The following DHTKD1 variants were observed in gnomAD, a reference collection of about 807,000 sequenced individuals.
The protein encoded by DHTKD1 is 2-oxoadipate dehydrogenase complex component E1.
Under a neutral mutation model 101.8 loss-of-function variants are expected in DHTKD1, and 78 were observed. That is an observed-to-expected ratio of 0.77 (90% CI 0.64 to 0.93). DHTKD1 has a LOEUF of 0.93. Among genes scored for constraint, DHTKD1 ranks in the 40% least tolerant of loss-of-function variants. DHTKD1 has a pLI of 0.00. For missense variants in DHTKD1, 1,223 were observed against 1,161.7 expected (o/e 1.05, Z -0.77); for synonymous variants, 462 against 450.3 (o/e 1.03, Z -0.33).
chr10:12,093,692 A>G (rs1241167758), intron 6 of DHTKD1, among the ~76,000 whole-genome samples: 1 of 152,226 alleles, frequency 6.6e-6, no homozygotes, highest in Admixed American at 6.5e-5. Flanking sequence ...TACATCCTTT[A>G]ATGACCCTTT....
chr10:12,089,972 A>T (rs1034235018), intron 5 of DHTKD1, among the ~76,000 whole-genome samples: 9 of 149,132 alleles, frequency 6.0e-5, no homozygotes, highest in African/African-American at 2.0e-4. Context: ...TACCTAGCCT[A>T]TTTTTTTTTT....
chr10:12,084,120 A>G (rs558465727), intron 2 of DHTKD1, among the ~76,000 whole-genome samples: 1 of 152,050 alleles, frequency 6.6e-6, no homozygotes, highest in East Asian at 1.9e-4. Context: ...ACGGAGTTTT[A>G]CCATATTGGT....
rs1328232428 is a variant in DHTKD1 at position 12,121,908 on chromosome 10, G to A, written c.*1020G>A. The A allele has an allele frequency of 6.6e-6, 1 of 152,150 alleles. No individual in the cohort carries two copies. Among genetic ancestry groups the A allele is most frequent in the Admixed American group, 6.6e-5 (1 of 15,258 alleles). The allele number at this position is 152,150 out of a possible 1,614,324, so 9.4% of individuals were successfully genotyped here. On this transcript the variant is annotated 3_prime_UTR_variant, in exon 17 of 17. Transcript: ENST00000263035. ...TCTGAGTTTACAGCTCCGTGGAGAT[G>A]ACCTCAACACTGCCTCTTGATTTGT...
intron 15 of DHTKD1, among the ~76,000 whole-genome samples, chr10:12,119,724 G>T (rs1222907821): frequency 6.6e-6 from 1 of 152,020 alleles, no homozygotes; most frequent in Non-Finnish European, 1.5e-5. Context: ...TGGATGCTGG[G>T]TTAATACCTA....
At chr10:12,069,320 A>T in intron 1 of DHTKD1, 133 bp downstream of exon 1, 3 of 689,114 alleles carry the variant, frequency 4.4e-6, no homozygotes, top group African/African-American at 3.8e-5. Context: ...GAGGAGGGGG[A>T]GGTGAGGGGA....
At position 12,113,039 on chromosome 10, in the gene DHTKD1, C is replaced by G. The variant is rs766274249; in HGVS notation, c.2294C>G (p.Ser765Cys). ...TTCAGAAAACCACTCATTGTTGCTT[C>G]CCCTAAGATGTTACTCAGGCTCCCG... ...RNFRKPLIVASPKMLLRLPAA... is the reference protein window; with the variant it reads ...RNFRKPLIVACPKMLLRLPAA... The change falls in exon 13 of 17, where the codon TCC (serine) becomes TGC (cysteine). Residue 765 changes from serine (S) to cysteine (C), a missense_variant. Ser to Cys is a moderately radical substitution (Grantham distance 112). Transcript: ENST00000263035. 5 of 1,612,520 alleles carry G rather than the reference C, an allele frequency of 3.1e-6. No homozygotes were observed. In the South Asian group the frequency reaches 5.5e-5, roughly 18 times the overall value.
At position 12,122,160 on chromosome 10, in the gene DHTKD1, G is replaced by T. The variant is rs1833538143; in HGVS notation, c.*1272G>T. On this transcript the variant is annotated 3_prime_UTR_variant, in exon 17 of 17. Transcript: ENST00000263035. ...GTTTTAGTTATAATGAAATTGATTT[G>T]TAGTCTGTTTTGCCGTAAACTTGTT... 1 of 152,150 alleles carries T rather than the reference G, an allele frequency of 6.6e-6. No homozygotes were observed. The highest frequency in any genetic ancestry group is 1.5e-5 in the Non-Finnish European group (1 of 68,022). The allele number at this position is 152,150 out of a possible 1,614,324, so 9.4% of individuals were successfully genotyped here. A position where few individuals can be genotyped will look rare whatever the true frequency, so the allele number is the denominator to read the frequency against.
At chr10:12,100,287 G>GTTTTT (rs57815181) in intron 9 of DHTKD1, 25 bp downstream of exon 9, 3,924 of 271,542 alleles carry the variant, frequency 0.014, 613 homozygotes, top group East Asian at 0.037. Context: ...TTTTTTTTCT[G>GTTTTT]TTTTTTTTTT....
intron 1 of DHTKD1, among the ~76,000 whole-genome samples, chr10:12,074,880 C>T (rs1184860947): frequency 1.3e-5 from 2 of 152,046 alleles, no homozygotes; most frequent in African/African-American, 2.4e-5. Context: ...TGAAAACGTC[C>T]CCTTAGAGGC....
At chr10:12,072,931 T>C (rs1355048534) in intron 1 of DHTKD1, among the ~76,000 whole-genome samples, 1 of 151,934 alleles carries the variant, frequency 6.6e-6, no homozygotes, top group African/African-American at 2.4e-5. Context: ...AGACAGGGTT[T>C]CTCTGTGTTG....
At position 12,097,773 on chromosome 10, in the gene DHTKD1, C is replaced by T. The variant is rs756009651; in HGVS notation, c.1448C>T (p.Ser483Phe). Residue 483 changes from serine to phenylalanine, a missense_variant, in exon 8 of 17, where the codon TCC becomes TTC. Ser to Phe is a radical substitution (Grantham distance 155). Transcript: ENST00000263035. ...TQEEVSEIKS[S>F]YYAKLNDHLN... ...GAGGAGGTGTCTGAAATAAAATCCT[C>T]CTACTATGCCAAGTTGAATGATCAC... The T allele has an allele frequency of 1.2e-6, 2 of 1,614,200 alleles. No individual in the cohort carries two copies. Among genetic ancestry groups the T allele is most frequent in the South Asian group, 2.2e-5 (2 of 91,084 alleles).
At chr10:12,104,417 G>A (rs771620540) in intron 10 of DHTKD1, among the ~76,000 whole-genome samples, 1 of 152,014 alleles carries the variant, frequency 6.6e-6, no homozygotes, top group Non-Finnish European at 1.5e-5. Flanking sequence ...GACCTCAAGT[G>A]ATCATCTCAG....
chr10:12,107,246 A>C lies in DHTKD1; in HGVS notation c.2048-663A>C, dbSNP rs1216102654. Reference sequence around the variant, plus strand: ...CATGATCCACCCACCTCAGCCTCCCAAAGTGGTGGGATTACGGGTGTGAGC... The same window carrying C: ...CATGATCCACCCACCTCAGCCTCCCCAAGTGGTGGGATTACGGGTGTGAGC... On this transcript the variant is annotated intron_variant, in intron 11 of 16. Transcript: ENST00000263035. The surrounding 1 kb of genome is among the most constrained non-coding windows in gnomAD (Gnocchi z 4.1). Among the ~76,000 whole-genome samples, 4 of 151,298 alleles carry C rather than the reference A, an allele frequency of 2.6e-5. No individual in the cohort carries two copies. Among genetic ancestry groups the C allele is most frequent in the African/African-American group, 9.7e-5 (4 of 41,102 alleles).
At chr10:12,102,696 G>A (rs1170033029) in intron 10 of DHTKD1, among the ~76,000 whole-genome samples, 3 of 152,188 alleles carry the variant, frequency 2.0e-5, no homozygotes, top group South Asian at 4.1e-4. Context: ...GGATACTGTT[G>A]AAGATTTAAT....
At chr10:12,112,092 A>T (rs1462264835) in intron 12 of DHTKD1, among the ~76,000 whole-genome samples, 1 of 152,020 alleles carries the variant, frequency 6.6e-6, no homozygotes, top group East Asian at 1.9e-4. Flanking sequence ...AGGCGGGAGG[A>T]TCGCTTGAAC....
chr10:12,118,634 G>A (rs560336955), intron 14 of DHTKD1, 115 bp from the exon 15 acceptor site: 56 of 656,402 alleles, frequency 8.5e-5, no homozygotes, highest in Admixed American at 1.9e-4. Context: ...CGCCCGCCTT[G>A]GCCTCCCAAA....
At chr10:12,086,024 C>T (rs1168512079) in intron 3 of DHTKD1, among the ~76,000 whole-genome samples, 3 of 151,490 alleles carry the variant, frequency 2.0e-5, no homozygotes, top group Non-Finnish European at 4.4e-5. Flanking sequence ...CACGTGCCAC[C>T]ACACCCAGCT....
rs111438641 is a variant in DHTKD1, at chr10:12,110,397, A to G, written c.2154+2382A>G. ...TATTAGCCATTGTTAGTGTTAGTGT[A>G]TTTTATGTGTGGCACAAGACAATTC... On this transcript the variant is annotated intron_variant, in intron 12 of 16. Coordinates refer to ENST00000263035, the MANE Select transcript of DHTKD1 (RefSeq NM_018706.7). The surrounding 1 kb of genome is among the most constrained non-coding windows in gnomAD (Gnocchi z 4.9). 2.6e-5 allele frequency among the ~76,000 whole-genome samples: 4 copies of G among 151,656 alleles called. No homozygotes were observed. The highest frequency in any genetic ancestry group is 2.0e-4 in the Admixed American group (3 of 15,174).
rs745655280 is a variant in DHTKD1, at chr10:12,084,498, A to G, written c.311-42A>G. The stretch of plus-strand genomic sequence containing the variant: ...TAATCTCAACATCATGTTAAGGAAC[A>G]TGATTATTTTTTAAGATGACCCCTT... On this transcript the variant is annotated intron_variant, in intron 2 of 16. Transcript: ENST00000263035. 5.5e-6 allele frequency: 7 copies of G among 1,264,896 alleles called. No homozygotes were observed. In the South Asian group the frequency reaches 6.0e-5, roughly 11 times the overall value. The allele number at this position is 1,264,896 out of a possible 1,614,324, so 78.4% of individuals were successfully genotyped here.
Sources: gnomAD v4.1 joint callset for allele counts (sites outside exome capture counted in the v4.1 genomes callset) on GRCh38, gnomAD v4.1.1 for gene constraint, Gnocchi (gnomAD v3.1) non-coding constraint, MANE v1.5 for transcripts, NCBI Gene and HGNC (gene_info 2026-07-23, HGNC 2026-07-21) for gene names.